Variants in ADAM7 observed in about 807,000 individuals in gnomAD.
ADAM7 encodes the protein ADAM metallopeptidase domain 7, also known as disintegrin and metalloproteinase domain-containing protein 7.
A neutral mutation model predicts 102.9 loss-of-function variants in ADAM7; 97 were observed. That is an observed-to-expected ratio of 0.94 (90% CI 0.80 to 1.12). The LOEUF is 1.12. Among genes scored for constraint, ADAM7 ranks in the 50% most tolerant of loss-of-function variants. The pLI is 0.00. For missense variants in ADAM7, 991 were observed against 908.7 expected (o/e 1.09, Z -1.16); for synonymous variants, 334 against 304.4 (o/e 1.10, Z -1.01).
chr8:24,487,035 C>G (rs1331553198), intron 10 of ADAM7, 152 bp from the exon 11 acceptor site: 2 of 681,048 alleles, frequency 2.9e-6, no homozygotes, highest in East Asian at 6.3e-5. Context: ...AACTGAGGTA[C>G]AGAGGAGAGA....
Position 24,447,191 on chromosome 8 carries a change from G to C in ADAM7, c.162G>C (p.Thr54=), listed in dbSNP as rs375404131. ...GHTHDDDILK[T]YEEELLYEIK... is the part of the protein sequence containing the mutation. The stretch of plus-strand genomic sequence containing the variant: ...TGATGCCTCTTCTTTTTTAGAAAAC[G>C]TATGAAGAAGAATTGTTGTATGAAA... Residue 54 remains threonine (T), a synonymous_variant, in exon 3 of 22, where the codon ACG becomes ACC. Coordinates refer to ENST00000175238, the MANE Select transcript of ADAM7 (RefSeq NM_003817.4). 1 of 1,536,832 alleles carries C rather than the reference G, an allele frequency of 6.5e-7. No homozygotes were observed. The highest frequency in any genetic ancestry group is 1.2e-5 in the South Asian group (1 of 82,784).
chr8:24,449,388 T>A (rs1437171148), intron 3 of ADAM7, among the ~76,000 whole-genome samples: 1 of 152,230 alleles, frequency 6.6e-6, no homozygotes, highest in Admixed American at 6.5e-5. Context: ...TTGATTTGCA[T>A]TTCTCTGATG....
In ADAM7 at chr8:24,487,212, T is replaced by C. The variant is rs781525076; in HGVS notation, c.986T>C (p.Ile329Thr). 2.5e-6 allele frequency: 4 copies of C among 1,613,802 alleles called. No individual in the cohort carries two copies. The highest frequency in any genetic ancestry group is 2.5e-6 in the Non-Finnish European group (3 of 1,179,794). The change falls in exon 11 of 22, where the codon ATT (isoleucine) becomes ACT (threonine). Residue 329 changes from isoleucine (I) to threonine (T), a missense_variant. Ile to Thr is a moderately conservative substitution (Grantham distance 89, BLOSUM62 -1). Coordinates refer to ENST00000175238, the MANE Select transcript of ADAM7 (RefSeq NM_003817.4). ...GATCTTTTACCTGACACAAACATAA[T>C]TGCAAACAGAATGGCACATCAACTG... ...IKDLLPDTNI[I>T]ANRMAHQLGH...
At chr8:24,453,480 G>A (rs1229821886) in intron 3 of ADAM7, among the ~76,000 whole-genome samples, 8 of 151,962 alleles carry the variant, frequency 5.3e-5, no homozygotes, top group South Asian at 4.1e-4. Flanking sequence ...CGTAGTTCTC[G>A]AGCCTTGGCT....
intron 3 of ADAM7, among the ~76,000 whole-genome samples, chr8:24,448,599 G>T (rs1818653900): frequency 6.6e-6 from 1 of 151,956 alleles, no homozygotes; most frequent in Admixed American, 6.6e-5. Flanking sequence ...ATTTCTATTT[G>T]TCTTTCTCTC....
intron 3 of ADAM7, among the ~76,000 whole-genome samples, chr8:24,453,556 A>T (rs1284218469): frequency 6.6e-6 from 1 of 151,874 alleles, no homozygotes; most frequent in African/African-American, 2.4e-5. Flanking sequence ...ACTCATCTAA[A>T]TTTTTTTCAA....
In ADAM7 at chr8:24,485,322, G is replaced by A; in HGVS notation, c.921G>A (p.Gly307=). The change falls in exon 10 of 22, where the codon GGG becomes GGA. Residue 307 remains glycine, a synonymous_variant. Transcript: ENST00000175238. ...ATGTGCAAGGAATTTCTTATCCAGG[G>A]GGTATGTGCCTGCCCTATTATTCCA... ...YSHVQGISYP[G]GMCLPYYSTS... is the part of the protein sequence containing the mutation. 3 of 1,613,590 alleles carry A rather than the reference G, an allele frequency of 1.9e-6. No individual in the cohort carries two copies. Among genetic ancestry groups the A allele is most frequent in the Non-Finnish European group, 2.5e-6 (3 of 1,179,746 alleles).
intron 16 of ADAM7, among the ~76,000 whole-genome samples, chr8:24,496,303 T>G (rs1217602944): frequency 6.6e-6 from 1 of 152,222 alleles, no homozygotes; most frequent in Non-Finnish European, 1.5e-5. Flanking sequence ...GGTAAAAGTT[T>G]GCTGCAGGGG....
chr8:24,503,496 T>C (rs1820832740), intron 20 of ADAM7, among the ~76,000 whole-genome samples: 1 of 152,072 alleles, frequency 6.6e-6, no homozygotes, highest in Non-Finnish European at 1.5e-5. Context: ...GAACTAGAAA[T>C]ACCATTTGAC....
intron 7 of ADAM7, among the ~76,000 whole-genome samples, chr8:24,474,801 A>C: frequency 6.6e-6 from 1 of 152,090 alleles, no homozygotes; most frequent in East Asian, 1.9e-4. Flanking sequence ...AGGCTGAGAC[A>C]AGAGGATCAC....
intron 16 of ADAM7, 71 bp from the exon 17 acceptor site, chr8:24,499,165 C>T: frequency 8.5e-7 from 1 of 1,178,318 alleles, no homozygotes; most frequent in Non-Finnish European, 1.2e-6. Flanking sequence ...ACTTCACATG[C>T]ATTACATGAA....
chr8:24,492,194 C>A, intron 14 of ADAM7, 96 bp downstream of exon 14: 2 of 1,188,622 alleles, frequency 1.7e-6, no homozygotes, highest in Non-Finnish European at 2.4e-6. Context: ...GATATAATGT[C>A]ATTTGTGGCA....
intron 3 of ADAM7, among the ~76,000 whole-genome samples, chr8:24,454,551 T>G (rs1427355120): frequency 6.6e-6 from 1 of 152,194 alleles, no homozygotes; most frequent in Non-Finnish European, 1.5e-5. Context: ...GCAGGTGCCA[T>G]CTGTCACCCC....
chr8:24,507,842 G>T (rs535963047), intron 21 of ADAM7, among the ~76,000 whole-genome samples: 1 of 152,164 alleles, frequency 6.6e-6, no homozygotes, highest in East Asian at 1.9e-4. Context: ...ACTTTTGTTG[G>T]TCAGAGTATA....
In ADAM7 at chr8:24,476,512, T is replaced by A; in HGVS notation, c.705+8T>A. The A allele has an allele frequency of 6.3e-7, 1 of 1,599,928 alleles. No individual in the cohort carries two copies. The highest frequency in any genetic ancestry group is 2.2e-5 in the East Asian group (1 of 44,684). ...GTCAATTTTGTCAACATGGTAAGAT[T>A]TGATACAGTTTTTGAATCAAGCCAA... On this transcript the variant is annotated splice_region_variant and intron_variant, in intron 8 of 21. Coordinates refer to ENST00000175238, the MANE Select transcript of ADAM7 (RefSeq NM_003817.4).
At chr8:24,501,772 G>A (rs1395415283) in intron 20 of ADAM7, among the ~76,000 whole-genome samples, 196 bp downstream of exon 20, 1 of 151,778 alleles carries the variant, frequency 6.6e-6, no homozygotes, top group African/African-American at 2.4e-5. Flanking sequence ...AACAGATATG[G>A]AACAATAACC....
chr8:24,490,956 C>A lies in ADAM7; in HGVS notation c.1356+68C>A. 4 of 1,505,788 alleles carry A rather than the reference C, an allele frequency of 2.7e-6. No homozygotes were observed. In the Admixed American group the frequency reaches 5.3e-5, roughly 20 times the overall value. The allele number at this position is 1,505,788 out of a possible 1,614,324, so 93.3% of individuals were successfully genotyped here. On this transcript the variant is annotated intron_variant, in intron 13 of 21. Transcript: ENST00000175238. ...AGAATATGTAGGATCCAAGAGTTAT[C>A]TAACCACTGGACAGCCCTGCACCAC...
At position 24,492,022 on chromosome 8, in the gene ADAM7, C is replaced by CA. The variant is rs1220553839; in HGVS notation, c.1478dup (p.Asn494GlufsTer15). ...AGTTCAGGGTCAATGGATTTCCTTG[C>CA]AAGAACTCAGAAGGCTACTGTTTCA... On this transcript the variant is annotated frameshift_variant, in exon 14 of 22. Coordinates refer to ENST00000175238, the MANE Select transcript of ADAM7 (RefSeq NM_003817.4). LOFTEE classifies it high-confidence loss of function. The CA allele has an allele frequency of 1.2e-6, 2 of 1,613,984 alleles. No individual in the cohort carries two copies. Among genetic ancestry groups the CA allele is most frequent in the Non-Finnish European group, 1.7e-6 (2 of 1,179,880 alleles).
intron 16 of ADAM7, 61 bp downstream of exon 16, chr8:24,493,290 T>C (rs1820432190): frequency 7.1e-7 from 1 of 1,409,656 alleles, no homozygotes; most frequent in Non-Finnish European, 9.5e-7. Flanking sequence ...AAAACATTAC[T>C]GGATACTGTA....
Sources: gnomAD v4.1 joint callset for allele counts (sites outside exome capture counted in the v4.1 genomes callset) on GRCh38, gnomAD v4.1.1 for gene constraint, MANE v1.5 for transcripts, NCBI Gene and HGNC (gene_info 2026-07-23, HGNC 2026-07-21) for gene names.